The following XKR9 variants were observed in gnomAD, a reference collection of about 807,000 sequenced individuals.
XKR9 encodes XK-related protein 9.
A neutral mutation model predicts 32.0 loss-of-function variants in XKR9; 32 were observed. The ratio of observed to expected loss-of-function variants is 1.00; its 90% CI spans 0.76 to 1.34. The LOEUF (loss-of-function observed/expected upper bound fraction) is 1.34, where lower values mean the gene tolerates loss of function less well. Ranked by LOEUF, XKR9 falls within the 40% of genes most tolerant of loss-of-function variation. The pLI, the probability that XKR9 is intolerant of heterozygous loss-of-function variation, is 0.00. For synonymous variants in XKR9, 168 were observed against 143.4 expected (o/e 1.17, Z -1.22); for missense variants, 546 against 429.7 (o/e 1.27, Z -2.39).
the XKR9 span, among the ~76,000 whole-genome samples, chr8:70,802,566 G>C: frequency 1.3e-5 from 2 of 151,266 alleles, no homozygotes; most frequent in East Asian, 3.9e-4. Flanking sequence ...TTGTTTTATT[G>C]TGTCTGCGTT....
Position 70,727,028 on chromosome 8 carries a change from A to G in XKR9, c.494-6768A>G, listed in dbSNP as rs186629008. 1.2e-3 allele frequency among the ~76,000 whole-genome samples: 186 copies of G among 152,300 alleles called. 2 individuals carry two copies. Among genetic ancestry groups the G allele is most frequent in the Non-Finnish European group, 2.4e-3 (163 of 68,020 alleles). On this transcript the variant is annotated intron_variant, in intron 4 of 4. Coordinates refer to ENST00000408926, the MANE Select transcript of XKR9 (RefSeq NM_001011720.2). ...AAAGGCACCCATTTTTCTTAAGTTA[A>G]TAATATAAAAAAGACTGCATTGACA...
the XKR9 span, among the ~76,000 whole-genome samples, chr8:71,050,236 GATATAT>G: frequency 2.8e-4 from 35 of 123,566 alleles, no homozygotes; most frequent in African/African-American, 8.7e-4. Flanking sequence ...GCCTGGCAGA[GATATAT>G]ATATATATAT....
At chr8:70,731,511 T>C (rs1806665339) in intron 4 of XKR9, among the ~76,000 whole-genome samples, 2 of 152,176 alleles carry the variant, frequency 1.3e-5, no homozygotes, top group African/African-American at 4.8e-5. Flanking sequence ...AGATGTTGCC[T>C]AATGGGCTGC....
the XKR9 span, among the ~76,000 whole-genome samples, chr8:71,026,965 G>A: frequency 2.0e-5 from 3 of 152,206 alleles, no homozygotes; most frequent in East Asian, 1.9e-4. Flanking sequence ...TTTAAGCACT[G>A]CTGTTTATTT....
At chr8:71,030,333 T>C in the XKR9 span, among the ~76,000 whole-genome samples, 1 of 152,094 alleles carries the variant, frequency 6.6e-6, no homozygotes, top group Non-Finnish European at 1.5e-5. Context: ...TTTTCTCATA[T>C]TTTTTATATT....
chr8:70,999,733 C>T, the XKR9 span, among the ~76,000 whole-genome samples: 1 of 152,240 alleles, frequency 6.6e-6, no homozygotes, highest in Admixed American at 6.5e-5. Context: ...TTGAAACTGT[C>T]AAAGTAATTT....
the XKR9 span, among the ~76,000 whole-genome samples, chr8:70,958,925 T>TTG: frequency 6.6e-6 from 1 of 151,976 alleles, no homozygotes; most frequent in Admixed American, 6.6e-5. Context: ...TATATATAAT[T>TTG]TGTGTGTATA....
chr8:70,716,826 G>A (rs1478478797), intron 4 of XKR9, among the ~76,000 whole-genome samples: 4 of 152,314 alleles, frequency 2.6e-5, no homozygotes, highest in Admixed American at 6.5e-5. Flanking sequence ...CAAGTCTGAA[G>A]TCTCATCTGA....
chr8:70,739,023 C>G (rs535722242), downstream of XKR9, among the ~76,000 whole-genome samples: 19 of 152,086 alleles, frequency 1.2e-4, no homozygotes, highest in South Asian at 4.0e-3. Flanking sequence ...CCTGGGTATC[C>G]TTGTTAACTT....
At chr8:70,813,274 C>A in the XKR9 span, among the ~76,000 whole-genome samples, 2 of 152,164 alleles carry the variant, frequency 1.3e-5, no homozygotes, top group Non-Finnish European at 2.9e-5. Flanking sequence ...CTTCTTAACA[C>A]CTTATACAAA....
chr8:70,834,423 C>T, the XKR9 span, among the ~76,000 whole-genome samples: 1 of 152,028 alleles, frequency 6.6e-6, no homozygotes, highest in South Asian at 2.1e-4. Flanking sequence ...CAGACTTACA[C>T]TGTTGATTCA....
the XKR9 span, among the ~76,000 whole-genome samples, chr8:70,970,345 T>C: frequency 6.6e-6 from 1 of 152,170 alleles, no homozygotes; most frequent in Non-Finnish European, 1.5e-5. Context: ...ATACTTTAAG[T>C]TCTGTGGTAC....
the XKR9 span, among the ~76,000 whole-genome samples, chr8:70,882,519 A>C: frequency 1.3e-5 from 2 of 151,986 alleles, no homozygotes; most frequent in South Asian, 4.1e-4. Flanking sequence ...ACATATGACA[A>C]AATTCACTCT....
chr8:70,908,459 G>A, the XKR9 span, among the ~76,000 whole-genome samples: 2 of 152,108 alleles, frequency 1.3e-5, no homozygotes, highest in African/African-American at 4.8e-5. Context: ...TGATGCCTGG[G>A]TTCCACTGCC....
At chr8:70,920,306 AC>A in the XKR9 span, among the ~76,000 whole-genome samples, 2 of 152,220 alleles carry the variant, frequency 1.3e-5, no homozygotes, top group African/African-American at 2.4e-5. Flanking sequence ...TTAATGATAA[AC>A]AAAATTTAGT....
At chr8:70,732,899 A>G (rs182052357) in intron 4 of XKR9, among the ~76,000 whole-genome samples, 9 of 152,250 alleles carry the variant, frequency 5.9e-5, no homozygotes, top group African/African-American at 9.6e-5. Flanking sequence ...GGGTGGATCA[A>G]TTGAGGTCAG....
chr8:71,001,967 C>T, the XKR9 span, among the ~76,000 whole-genome samples: 1 of 152,034 alleles, frequency 6.6e-6, no homozygotes, highest in African/African-American at 2.4e-5. Context: ...TGAGATCAGC[C>T]TTAAAAAGGT....
intron 4 of XKR9, among the ~76,000 whole-genome samples, chr8:70,713,248 CAAAG>C (rs1190599006): frequency 1.3e-5 from 2 of 151,622 alleles, no homozygotes; most frequent in African/African-American, 2.4e-5. Context: ...TTTAGAGAGA[CAAAG>C]AGATAGAAAA....
chr8:70,937,168 TTTAA>T, the XKR9 span, among the ~76,000 whole-genome samples: 221 of 152,128 alleles, frequency 1.5e-3, 1 homozygote, highest in East Asian at 6.4e-3. Flanking sequence ...GACTGTGAAG[TTTAA>T]TTATAGAAAA....
Sources: allele counts gnomAD v4.1 joint callset (sites outside exome capture counted in the v4.1 genomes callset), GRCh38; gene constraint gnomAD v4.1.1; transcripts MANE v1.5; gene names NCBI Gene and HGNC (gene_info 2026-07-23, HGNC 2026-07-21).